FAM200A: variants seen among roughly 807,000 people sequenced by gnomAD.
FAM200A encodes ZBED8 like, also known as protein FAM200A.
Under a neutral mutation model 44.2 loss-of-function variants are expected in FAM200A, and 26 were observed. The observed-to-expected ratio is 0.59, with a 90% CI of 0.43 to 0.82. FAM200A has a LOEUF of 0.82. Ranked by LOEUF, FAM200A falls within the 40% of genes least tolerant of loss-of-function variation. The pLI is 0.00. For synonymous variants in FAM200A, 206 were observed against 244.4 expected, an observed-to-expected ratio of 0.84 and a Z score of 1.47; for missense variants, 606 against 669.5, an observed-to-expected ratio of 0.91 and a Z score of 1.05.
chr7:99,551,886 C>A lies in FAM200A; in HGVS notation c.-132G>T. On this transcript the variant is annotated 5_prime_UTR_variant, in exon 1 of 2. Transcript: ENST00000449309. ...CAGGGACACCTCTGCTGGGGGACAG[C>A]GCTTGCCACCGCCGAGGCTGGCGCG... The A allele has an allele frequency of 1.0e-6, 1 of 985,542 alleles. No individual in the cohort carries two copies. Among genetic ancestry groups the A allele is most frequent in the Non-Finnish European group, 1.2e-6 (1 of 830,022 alleles). 61.0% of individuals were successfully genotyped at this position (985,542 alleles called of 1,614,324 possible).
chr7:99,552,145 C>A (rs1024029525), upstream of FAM200A: 1 of 985,364 alleles, frequency 1.0e-6, no homozygotes, highest in African/African-American at 1.7e-5. Context: ...ACCCGCCTTC[C>A]GGAGCTGCGC....
chr7:99,550,519 C>T (rs1802504684), intron 1 of FAM200A, among the ~76,000 whole-genome samples: 1 of 152,168 alleles, frequency 6.6e-6, no homozygotes, highest in Admixed American at 6.5e-5. Flanking sequence ...ATAGGTTTTG[C>T]TTAGCTGAAT....
upstream of FAM200A, among the ~76,000 whole-genome samples, chr7:99,553,042 T>C (rs1203236299): frequency 0.021 from 2,757 of 129,558 alleles, 36 homozygotes; most frequent in Non-Finnish European, 0.03. Flanking sequence ...TATATATATA[T>C]ACACACACAT....
chr7:99,555,937 G>C (rs1438027843), upstream of FAM200A, among the ~76,000 whole-genome samples: 2 of 152,092 alleles, frequency 1.3e-5, no homozygotes, highest in Non-Finnish European at 2.9e-5. Context: ...ATAAAAAGTG[G>C]AAGCTTTTTA....
At chr7:99,556,644 G>A (rs1191240195), upstream of FAM200A, among the ~76,000 whole-genome samples, 1 of 151,982 alleles carries the variant, frequency 6.6e-6, no homozygotes, top group Admixed American at 6.6e-5. Flanking sequence ...AAAAATACAA[G>A]TATTCCAATT....
chr7:99,549,250 A>C (rs7794068), intron 1 of FAM200A, among the ~76,000 whole-genome samples: 1 of 148,406 alleles, frequency 6.7e-6, no homozygotes, highest in African/African-American at 2.5e-5. Flanking sequence ...ACATAGATCC[A>C]TGAATTATTC....
In FAM200A at chr7:99,547,258, A is replaced by AGTT; in HGVS notation, c.1149_1150insAAC (p.Leu383_Leu384insAsn). 6.4e-7 allele frequency: 1 copy of AGTT among 1,551,416 alleles called. No homozygotes were observed. ...TTACTTTTAAGTCTTGCTTGCCACA[A>AGTT]TAATAACGTCTTTTGGAATCCTAGA... On this transcript the variant is annotated inframe_insertion, in exon 2 of 2. Transcript: ENST00000449309.
chr7:99,549,720 TA>T (rs1344844402), intron 1 of FAM200A, among the ~76,000 whole-genome samples: 1 of 152,128 alleles, frequency 6.6e-6, no homozygotes, highest in Non-Finnish European at 1.5e-5. Flanking sequence ...TATGCAGCCA[TA>T]AAAAAGGATG....
upstream of FAM200A, among the ~76,000 whole-genome samples, chr7:99,553,093 ATATATATT>A (rs1327330362): frequency 8.3e-3 from 746 of 90,096 alleles, 1 homozygote; most frequent in African/African-American, 0.015. Context: ...ATATATATAT[ATATATATT>A]TTTTTTTTTT....
chr7:99,557,270 G>A (rs1420299841), intron 1 of FAM200A, among the ~76,000 whole-genome samples: 1 of 152,108 alleles, frequency 6.6e-6, no homozygotes, highest in Non-Finnish European at 1.5e-5. Flanking sequence ...AAACTTGGAC[G>A]CGATGTGCCT....
At chr7:99,553,083 ATATATATATATATATAT>A (rs1243394757), upstream of FAM200A, among the ~76,000 whole-genome samples, 1 of 95,134 alleles carries the variant, frequency 1.1e-5, no homozygotes, top group African/African-American at 6.3e-5. Context: ...ATATATATAT[ATATATATATATATATAT>A]TTTTTTTTTT....
rs879111327 is a variant in FAM200A at position 99,546,374 on chromosome 7, A to AT, written c.*311dup. 7,715 of 210,434 alleles carry AT rather than the reference A, an allele frequency of 0.037. No homozygotes were observed. The highest frequency in any genetic ancestry group is 0.083 in the Middle Eastern group (51 of 618). 13.0% of individuals were successfully genotyped at this position (210,434 alleles called of 1,614,324 possible). ...AAATCCCTTTAAAAGTACAAATACA[A>AT]TTTTTTTTTTTTGAGATGAAGTCTC... On this transcript the variant is annotated 3_prime_UTR_variant, in exon 2 of 2. Coordinates refer to ENST00000449309, the MANE Select transcript of FAM200A (RefSeq NM_145111.4).
intron 1 of FAM200A, among the ~76,000 whole-genome samples, chr7:99,550,299 C>T (rs1802500522): frequency 6.6e-6 from 1 of 152,002 alleles, no homozygotes; most frequent in African/African-American, 2.4e-5. Context: ...TTAGTAGATA[C>T]GGGGTTTCAC....
At chr7:99,551,610 T>C (rs943723410) in intron 1 of FAM200A, among the ~76,000 whole-genome samples, 8 of 152,214 alleles carry the variant, frequency 5.3e-5, no homozygotes, top group African/African-American at 1.9e-4. Context: ...CAATGGCACT[T>C]GGTATCGTGT....
Position 99,547,868 on chromosome 7 carries a change from T to G in FAM200A, c.540A>C (p.Ser180=), listed in dbSNP as rs1168840033. 9 of 1,551,162 alleles carry G rather than the reference T, an allele frequency of 5.8e-6. No homozygotes were observed. The highest frequency in any genetic ancestry group is 7.8e-6 in the Non-Finnish European group (9 of 1,146,874). ...TAAATAAATCTAATCCAGTTATATGTGAATTTAAATTTAAACAACATAAGA... is the reference window on the plus strand; with the variant it reads ...TAAATAAATCTAATCCAGTTATATGGGAATTTAAATTTAAACAACATAAGA... The part of the protein sequence containing the change: ...EDLLCCLNLN[S]HITGLDLFTE... The change falls in exon 2 of 2, where the codon TCA becomes TCC. Residue 180 remains serine (S), a synonymous_variant. Coordinates refer to ENST00000449309, the MANE Select transcript of FAM200A (RefSeq NM_145111.4).
At chr7:99,548,876 C>T (rs200609768) in intron 1 of FAM200A, among the ~76,000 whole-genome samples, 91 of 91,342 alleles carry the variant, frequency 1.0e-3, no homozygotes, top group South Asian at 2.4e-3. Flanking sequence ...TCTGGTCATT[C>T]TTTTTTTTTT....
chr7:99,552,086 T>A lies in FAM200A; in HGVS notation c.-332A>T, dbSNP rs575021186. 5.1e-6 allele frequency: 5 copies of A among 985,498 alleles called. No homozygotes were observed. In the African/African-American group the frequency reaches 5.2e-5, roughly 10 times the overall value. 61.0% of individuals were successfully genotyped at this position (985,498 alleles called of 1,614,324 possible). A position where few individuals can be genotyped will look rare whatever the true frequency, so the allele number is the denominator to read the frequency against. Reference sequence around the variant, plus strand: ...GCACTAGACTCACATCCAAGCCCCCTGGCCTTCAGAGCCCAGGGAAAGCGT... The same window carrying A: ...GCACTAGACTCACATCCAAGCCCCCAGGCCTTCAGAGCCCAGGGAAAGCGT... On this transcript the variant is annotated 5_prime_UTR_variant, in exon 1 of 2. Transcript: ENST00000449309.
chr7:99,548,651 G>T, intron 1 of FAM200A, 145 bp from the exon 2 acceptor site: 1 of 694,168 alleles, frequency 1.4e-6, no homozygotes, highest in Non-Finnish European at 2.3e-6. Context: ...TGTGTGTCAG[G>T]GAGATTTGGT....
In FAM200A at chr7:99,548,293, CCTTTT is replaced by C. The variant is rs764427754; in HGVS notation, c.110_114del (p.Gln37ArgfsTer20). The C allele has an allele frequency of 6.2e-7, 1 of 1,614,142 alleles. No individual in the cohort carries two copies. Among genetic ancestry groups the C allele is most frequent in the Admixed American group, 1.7e-5 (1 of 60,010 alleles). On this transcript the variant is annotated frameshift_variant, in exon 2 of 2. Transcript: ENST00000449309. LOFTEE classifies it high-confidence loss of function. ...GGCGATGACTCTACTTTGTTTCTTTCCTTTTGAAAATGGTCTTCTTCATCTTCCTC... is the reference window on the plus strand; with the variant it reads ...GGCGATGACTCTACTTTGTTTCTTTCGAAAATGGTCTTCTTCATCTTCCTC...
Sources: gnomAD v4.1 joint callset for allele counts (sites outside exome capture counted in the v4.1 genomes callset) on GRCh38, gnomAD v4.1.1 for gene constraint, MANE v1.5 for transcripts, NCBI Gene and HGNC (gene_info 2026-07-23, HGNC 2026-07-21) for gene names.